Variants in STOM observed in about 807,000 individuals in gnomAD.
STOM encodes the protein erythrocyte band 7 integral membrane protein.
In STOM, 25 loss-of-function variants were observed where a neutral mutation model predicts 30.6. That is an observed-to-expected ratio of 0.82 (90% confidence interval 0.60 to 1.14). STOM has a LOEUF of 1.14. STOM is among the 50% of genes most tolerant of loss of function. The pLI is 0.00. For synonymous variants in STOM, 118 were observed against 130.8 expected, an observed-to-expected ratio of 0.90 and a Z score of 0.67; for missense variants, 292 against 365.2, an observed-to-expected ratio of 0.80 and a Z score of 1.63.
chr9:121,347,592 T>C (rs1357252541), intron 6 of STOM, among the ~76,000 whole-genome samples: 1 of 152,204 alleles, frequency 6.6e-6, no homozygotes, highest in Non-Finnish European at 1.5e-5. Flanking sequence ...GATGGAATGA[T>C]GACCCACTTG....
At chr9:121,366,290 G>A in intron 1 of STOM, 4 of 979,554 alleles carry the variant, frequency 4.1e-6, no homozygotes, top group Middle Eastern at 5.2e-4. Flanking sequence ...AAAGAATGTA[G>A]CAACAAGTGT....
chr9:121,357,816 C>T (rs1362949950), intron 1 of STOM, among the ~76,000 whole-genome samples: 3 of 152,100 alleles, frequency 2.0e-5, no homozygotes, highest in Non-Finnish European at 4.4e-5. Context: ...TCTCTTTCAC[C>T]TTCTTTTTTG....
In STOM at chr9:121,354,689, G is replaced by A. The variant is rs1407174438; in HGVS notation, c.166-16C>T. 3 of 1,567,354 alleles carry A rather than the reference G, an allele frequency of 1.9e-6. No homozygotes were observed. Among genetic ancestry groups the A allele is most frequent in the Non-Finnish European group, 1.7e-6 (2 of 1,145,560 alleles). On this transcript the variant is annotated splice_polypyrimidine_tract_variant and intron_variant, in intron 2 of 6. Transcript: ENST00000286713. ...CTTTTATAATCTAGAATAAAAACAT[G>A]AATAATAATTTAACATGAAGAGTAC...
In STOM at chr9:121,349,046, G is replaced by A. The variant is rs551351325; in HGVS notation, c.525+74C>T. 3.7e-3 allele frequency: 5,634 copies of A among 1,507,620 alleles called. 13 individuals are homozygous for A. The highest frequency in any genetic ancestry group is 4.4e-3 in the Non-Finnish European group (4,877 of 1,103,398). 93.4% of individuals were successfully genotyped at this position (1,507,620 alleles called of 1,614,324 possible). On this transcript the variant is annotated intron_variant, in intron 5 of 6. Transcript: ENST00000286713. ...CCCCCACAACTTGAATTAATAAAAG[G>A]TTCTCAAACAACCATTGACTCTTTG...
intron 2 of STOM, among the ~76,000 whole-genome samples, 177 bp downstream of exon 2, chr9:121,355,876 A>T (rs1024340495): frequency 6.6e-6 from 1 of 152,230 alleles, no homozygotes; most frequent in Non-Finnish European, 1.5e-5. Flanking sequence ...AGAAGTTTTA[A>T]GGTTCCATTT....
intron 1 of STOM, among the ~76,000 whole-genome samples, chr9:121,361,458 G>A (rs1012542230): frequency 9.0e-5 from 13 of 144,986 alleles, no homozygotes; most frequent in Non-Finnish European, 1.3e-4. Context: ...GCGAGATCTC[G>A]GCTCACTGCA....
At chr9:121,364,759 T>A (rs140766155) in intron 1 of STOM, among the ~76,000 whole-genome samples, 28 of 152,300 alleles carry the variant, frequency 1.8e-4, no homozygotes, top group African/African-American at 6.5e-4. Flanking sequence ...GCAACAGCAA[T>A]AATTTTAAAT....
At position 121,339,484 on chromosome 9, in the gene STOM, C is replaced by T; in HGVS notation, c.*1718G>A. 1 of 1,199,146 alleles carries T rather than the reference C, an allele frequency of 8.3e-7. No homozygotes were observed. Among genetic ancestry groups the T allele is most frequent in the East Asian group, 3.2e-5 (1 of 31,034 alleles). The allele number at this position is 1,199,146 out of a possible 1,614,324, so 74.3% of individuals were successfully genotyped here. On this transcript the variant is annotated 3_prime_UTR_variant, in exon 7 of 7. Coordinates refer to ENST00000286713, the MANE Select transcript of STOM (RefSeq NM_004099.6). ...CAGGATACATGGTAGTTCAAGGCTT[C>T]CTAAAATAAGCTTGAAATTGGGGTA...
chr9:121,343,172 C>A (rs2064261232), intron 6 of STOM, among the ~76,000 whole-genome samples: 1 of 152,120 alleles, frequency 6.6e-6, no homozygotes, highest in South Asian at 2.1e-4. Context: ...AATTCATAAT[C>A]CTAGAAGAAG....
intron 1 of STOM, 149 bp downstream of exon 1, chr9:121,369,978 T>C (rs1417356197): frequency 2.3e-5 from 16 of 691,034 alleles, no homozygotes; most frequent in Non-Finnish European, 3.8e-5. Context: ...TTCGTGATGC[T>C]CAGTTTACTA....
At chr9:121,358,035 T>G (rs1418583246) in intron 1 of STOM, among the ~76,000 whole-genome samples, 1 of 151,784 alleles carries the variant, frequency 6.6e-6, no homozygotes, top group Non-Finnish European at 1.5e-5. Flanking sequence ...GGTGCAGGGG[T>G]CACACCTGTA....
chr9:121,353,185 C>T (rs777865506), intron 4 of STOM, 35 bp downstream of exon 4: 7 of 1,335,436 alleles, frequency 5.2e-6, no homozygotes, highest in Non-Finnish European at 7.4e-6. Flanking sequence ...AGCACTTTCA[C>T]ATATGATACC....
chr9:121,351,696 G>A (rs1163410122), intron 4 of STOM, among the ~76,000 whole-genome samples: 1 of 152,232 alleles, frequency 6.6e-6, no homozygotes, highest in Non-Finnish European at 1.5e-5. Context: ...ACTATACAAA[G>A]AATCCGAAGA....
chr9:121,353,379 C>T, intron 3 of STOM, 77 bp from the exon 4 acceptor site: 1 of 967,054 alleles, frequency 1.0e-6, no homozygotes. Flanking sequence ...TTAAGAAAAT[C>T]AACCTAGTGA....
chr9:121,366,211 T>C (rs2064501892), intron 1 of STOM: 2 of 985,434 alleles, frequency 2.0e-6, no homozygotes, highest in African/African-American at 3.5e-5. Flanking sequence ...GATAATCTTC[T>C]GAAATGTGAG....
At position 121,354,686 on chromosome 9, in the gene STOM, C is replaced by G; in HGVS notation, c.166-13G>C. 1.3e-6 allele frequency: 2 copies of G among 1,573,302 alleles called. No homozygotes were observed. Among genetic ancestry groups the G allele is most frequent in the Non-Finnish European group, 1.7e-6 (2 of 1,150,278 alleles). On this transcript the variant is annotated splice_polypyrimidine_tract_variant and intron_variant, in intron 2 of 6. Coordinates refer to ENST00000286713, the MANE Select transcript of STOM (RefSeq NM_004099.6). Reference sequence around the variant, plus strand: ...ACTCTTTTATAATCTAGAATAAAAACATGAATAATAATTTAACATGAAGAG... The same window carrying G: ...ACTCTTTTATAATCTAGAATAAAAAGATGAATAATAATTTAACATGAAGAG...
chr9:121,363,973 T>C (rs370760055), intron 1 of STOM, among the ~76,000 whole-genome samples: 3 of 152,126 alleles, frequency 2.0e-5, no homozygotes, highest in Admixed American at 1.3e-4. Flanking sequence ...TCCTCTTCAA[T>C]TAATCAAATT....
chr9:121,341,177 T>TGGAAGGCTAGCGTAG lies in STOM; in HGVS notation c.*24_*25insCTACGCTAGCCTTCC. 6.2e-7 allele frequency: 1 copy of TGGAAGGCTAGCGTAG among 1,613,290 alleles called. No individual in the cohort carries two copies. The highest frequency in any genetic ancestry group is 8.5e-7 in the Non-Finnish European group (1 of 1,179,264). ...CTAATTTGGTCCCCGACTTCATGCTTGGAAGGCTAGCGCTCATCTCTACAC... is the reference window on the plus strand; with the variant it reads ...CTAATTTGGTCCCCGACTTCATGCTTGGAAGGCTAGCGTAGGGAAGGCTAGCGCTCATCTCTACAC... On this transcript the variant is annotated 3_prime_UTR_variant, in exon 7 of 7. Coordinates refer to ENST00000286713, the MANE Select transcript of STOM (RefSeq NM_004099.6).
chr9:121,349,080 T>C, intron 5 of STOM, 40 bp downstream of exon 5: 6 of 1,600,986 alleles, frequency 3.7e-6, no homozygotes, highest in Non-Finnish European at 5.1e-6. Flanking sequence ...TGCTTCATTT[T>C]TCAGCTTCTG....
Sources: allele counts gnomAD v4.1 joint callset (sites outside exome capture counted in the v4.1 genomes callset), GRCh38; gene constraint gnomAD v4.1.1; transcripts MANE v1.5; gene names NCBI Gene and HGNC (gene_info 2026-07-23, HGNC 2026-07-21).